Variants in LINGO2 observed in about 807,000 individuals in gnomAD.
The protein encoded by LINGO2 is leucine-rich repeat and immunoglobulin-like domain-containing nogo receptor-interacting protein 2.
In LINGO2, 14 loss-of-function variants were observed where a neutral mutation model predicts 30.6. That is an observed-to-expected ratio of 0.46 (90% CI 0.30 to 0.72). The LOEUF (loss-of-function observed/expected upper bound fraction) is 0.72. Among genes scored for constraint, LINGO2 ranks in the 30% least tolerant of loss-of-function variants. The probability of loss-of-function intolerance (pLI) is 0.07; values close to 1 mark genes in which losing one functional copy is unlikely to be tolerated. For synonymous variants in LINGO2, 317 were observed against 288.5 expected (o/e 1.10, Z -1.00); for missense variants, 729 against 751.7 (o/e 0.97, Z 0.35).
At chr9:28,080,987 G>C (rs931693674) in intron 4 of LINGO2, 3 of 152,240 alleles carry the variant, frequency 2.0e-5, no homozygotes, top group African/African-American at 7.2e-5. Context: ...GCCTGGAATA[G>C]AAGATAAGTT....
chr9:28,865,292 T>G, the LINGO2 span, among the ~76,000 whole-genome samples: 1 of 152,064 alleles, frequency 6.6e-6, no homozygotes, highest in African/African-American at 2.4e-5. Context: ...AACTCCAGAA[T>G]AATGAGGCAA....
chr9:27,972,035 C>G (rs1045581182), intron 5 of LINGO2, among the ~76,000 whole-genome samples: 2 of 152,092 alleles, frequency 1.3e-5, no homozygotes, highest in Non-Finnish European at 2.9e-5. Context: ...CTTCTTTGAT[C>G]CTTTCCCTAA....
chr9:28,558,065 G>A (rs935033178), intron 1 of LINGO2, among the ~76,000 whole-genome samples: 19 of 150,506 alleles, frequency 1.3e-4, no homozygotes, highest in African/African-American at 4.4e-4. Context: ...GTTAGTGGGT[G>A]CAGCACACCA....
the LINGO2 span, among the ~76,000 whole-genome samples, chr9:28,763,127 C>T: frequency 2.0e-5 from 3 of 151,998 alleles, no homozygotes; most frequent in Admixed American, 6.6e-5. Flanking sequence ...CAATCACAAC[C>T]TTATCCTTCT....
At chr9:28,647,893 CTTTT>C (rs5897315) in intron 1 of LINGO2, among the ~76,000 whole-genome samples, 4 of 130,238 alleles carry the variant, frequency 3.1e-5, no homozygotes, top group Non-Finnish European at 5.0e-5. Flanking sequence ...TTCTTTCTTT[CTTTT>C]TTTTTTTTTT....
At chr9:28,837,385 C>T in the LINGO2 span, among the ~76,000 whole-genome samples, 1 of 151,906 alleles carries the variant, frequency 6.6e-6, no homozygotes, top group South Asian at 2.1e-4. Context: ...GTGGCTCATG[C>T]CTATAATCTC....
chr9:28,709,329 T>A, the LINGO2 span, among the ~76,000 whole-genome samples: 8 of 152,244 alleles, frequency 5.3e-5, no homozygotes, highest in African/African-American at 1.7e-4. Context: ...GGTGCTGACT[T>A]CTTTTATGCA....
At chr9:28,027,006 T>C (rs907680426) in intron 4 of LINGO2, among the ~76,000 whole-genome samples, 4 of 152,304 alleles carry the variant, frequency 2.6e-5, no homozygotes, top group South Asian at 4.1e-4. Flanking sequence ...CCATCTTTCC[T>C]GACAGGCTGC....
chr9:29,055,909 G>A, the LINGO2 span, among the ~76,000 whole-genome samples: 1 of 85,248 alleles, frequency 1.2e-5, no homozygotes, highest in Non-Finnish European at 2.7e-5. Flanking sequence ...CCTTTTTATG[G>A]CCGAGTAGTA....
At chr9:28,859,380 T>G in the LINGO2 span, among the ~76,000 whole-genome samples, 1 of 152,062 alleles carries the variant, frequency 6.6e-6, no homozygotes, top group African/African-American at 2.4e-5. Flanking sequence ...TAACTGCTAA[T>G]TAGTACGCAG....
the LINGO2 span, among the ~76,000 whole-genome samples, chr9:28,956,686 C>T: frequency 5.7e-5 from 6 of 105,518 alleles, no homozygotes; most frequent in African/African-American, 2.2e-4. Flanking sequence ...TTCCTTTCTT[C>T]CTTCCTTCCT....
chr9:28,395,155 A>G (rs1821988594), intron 2 of LINGO2, among the ~76,000 whole-genome samples: 1 of 152,206 alleles, frequency 6.6e-6, no homozygotes, highest in South Asian at 2.1e-4. Context: ...AAAACTGATA[A>G]CTGTCCTTAT....
chr9:28,439,666 T>G (rs1363681159), intron 2 of LINGO2, among the ~76,000 whole-genome samples: 3 of 152,170 alleles, frequency 2.0e-5, no homozygotes, highest in Admixed American at 1.3e-4. Flanking sequence ...CCCCTTTGTC[T>G]ATTGCCATGA....
the LINGO2 span, among the ~76,000 whole-genome samples, chr9:28,963,387 C>T: frequency 6.6e-6 from 1 of 151,886 alleles, no homozygotes; most frequent in African/African-American, 2.4e-5. Context: ...CAAGCAGTTC[C>T]ACTACTGGGT....
At chr9:28,923,749 A>C in the LINGO2 span, among the ~76,000 whole-genome samples, 1 of 152,304 alleles carries the variant, frequency 6.6e-6, no homozygotes, top group Admixed American at 6.5e-5. Flanking sequence ...CTAGTCATAA[A>C]AGCAACCAGA....
chr9:28,866,738 T>A, the LINGO2 span, among the ~76,000 whole-genome samples: 2 of 152,190 alleles, frequency 1.3e-5, no homozygotes, highest in Non-Finnish European at 2.9e-5. Flanking sequence ...ATTCATATAA[T>A]TAACTTTATT....
chr9:28,784,175 G>C, the LINGO2 span, among the ~76,000 whole-genome samples: 1 of 152,118 alleles, frequency 6.6e-6, no homozygotes, highest in African/African-American at 2.4e-5. Context: ...GGCAACTGTT[G>C]TTCCCAGTTT....
rs1157465962 is a variant in LINGO2 at position 28,433,980 on chromosome 9, T to C, written c.-279+41960A>G. On this transcript the variant is annotated intron_variant, in intron 2 of 5. Coordinates refer to ENST00000379992, the Ensembl canonical transcript of LINGO2. ...ATATATATATATACACACACACACA[T>C]GAAAATACTACTATACTACTATGGA... Among the ~76,000 whole-genome samples the C allele has an allele frequency of 2.8e-5, 4 of 144,290 alleles. No homozygotes were observed. The South Asian group carries it at 6.6e-4, about 24-fold the overall frequency. The allele number at this position is 144,290 out of a possible 152,430, so 94.7% of individuals were successfully genotyped here.
the LINGO2 span, among the ~76,000 whole-genome samples, chr9:29,160,821 C>A: frequency 6.6e-6 from 1 of 152,210 alleles, no homozygotes; most frequent in Non-Finnish European, 1.5e-5. Context: ...TATGCCGAGG[C>A]AGACATCCAG....
Sources: gnomAD v4.1 joint callset for allele counts (sites outside exome capture counted in the v4.1 genomes callset) on GRCh38, gnomAD v4.1.1 for gene constraint, MANE v1.5 for transcripts, NCBI Gene and HGNC (gene_info 2026-07-23, HGNC 2026-07-21) for gene names.